The following NRG1 variants were observed in gnomAD, a reference collection of about 807,000 sequenced individuals.
NRG1 encodes the protein pro-neuregulin-1, membrane-bound isoform.
NRG1 carries 18 observed loss-of-function variants against 63.8 expected under a neutral mutation model. The ratio of observed to expected loss-of-function variants is 0.28; its 90% CI spans 0.19 to 0.42. NRG1 has a LOEUF of 0.42. NRG1 is among the 10% of genes least tolerant of loss of function. The pLI, the probability that NRG1 is intolerant of heterozygous loss-of-function variation, is 1.00. For synonymous variants in NRG1, 302 were observed against 301.3 expected (o/e 1.00, Z -0.02); for missense variants, 762 against 814.7 (o/e 0.94, Z 0.79).
intron 1 of NRG1, among the ~76,000 whole-genome samples, chr8:31,947,794 A>T (rs950444853): frequency 3.3e-5 from 5 of 151,946 alleles, no homozygotes; most frequent in Non-Finnish European, 7.4e-5. Flanking sequence ...AAATACAAAA[A>T]AATTAACTGG....
chr8:31,646,537 G>A lies in NRG1; in HGVS notation c.37+7106G>A, dbSNP rs141749584. Among the ~76,000 whole-genome samples the A allele has an allele frequency of 2.7e-3, 408 of 152,246 alleles. 2 individuals are homozygous for A. The highest frequency in any genetic ancestry group is 7.9e-3 in the African/African-American group (330 of 41,548). On this transcript the variant is annotated intron_variant, in intron 1 of 10. Transcript: ENST00000519301. The stretch of plus-strand genomic sequence containing the variant: ...TACCAGTAATACTATCATCCCAAAT[G>A]GTTGTCTTTTATCTGGGAATTGCCA...
intron 1 of NRG1, among the ~76,000 whole-genome samples, chr8:32,044,790 GTGGAATGTC>G (rs1820670924): frequency 6.6e-6 from 1 of 151,264 alleles, no homozygotes; most frequent in East Asian, 1.9e-4. Flanking sequence ...TATCAAATTT[GTGGAATGTC>G]TGCAAAGCAA....
chr8:31,824,520 A>G (rs768856167), intron 1 of NRG1, among the ~76,000 whole-genome samples: 1 of 152,206 alleles, frequency 6.6e-6, no homozygotes, highest in African/African-American at 2.4e-5. Flanking sequence ...CGCATTGCTG[A>G]TGGATTCTCA....
At chr8:31,667,144 G>A (rs919644848) in intron 1 of NRG1, among the ~76,000 whole-genome samples, 3 of 152,136 alleles carry the variant, frequency 2.0e-5, no homozygotes, top group African/African-American at 4.8e-5. Flanking sequence ...GTTGATGATT[G>A]TTATTCTTAA....
intron 1 of NRG1, among the ~76,000 whole-genome samples, chr8:31,846,135 C>G (rs1826667783): frequency 1.3e-5 from 2 of 152,238 alleles, no homozygotes; most frequent in Admixed American, 1.3e-4. Flanking sequence ...AAGACCTTCT[C>G]ACAGATTTTC....
At chr8:32,004,755 AGACT>A (rs1813480254) in intron 1 of NRG1, among the ~76,000 whole-genome samples, 1 of 151,938 alleles carries the variant, frequency 6.6e-6, no homozygotes, top group Non-Finnish European at 1.5e-5. Context: ...AAAACAATCC[AGACT>A]AACAATTCTC....
At position 32,528,780 on chromosome 8, in the gene NRG1, A is replaced by G. The variant is rs185220122; in HGVS notation, c.38-67048A>G. Among the ~76,000 whole-genome samples, 5 of 152,324 alleles carry G rather than the reference A, an allele frequency of 3.3e-5. No homozygotes were observed. The East Asian group carries it at 9.6e-4, about 29-fold the overall frequency. ...ATACATACAGGTCCTATTAAAAACA[A>G]CATATTGTAGCTTTAATTCAACACA... On this transcript the variant is annotated intron_variant, in intron 1 of 10. Coordinates refer to the NRG1 transcript ENST00000519301.
chr8:31,742,667 C>G (rs1278536184), intron 1 of NRG1, among the ~76,000 whole-genome samples: 2 of 151,704 alleles, frequency 1.3e-5, no homozygotes, highest in African/African-American at 2.4e-5. Context: ...ATGTTTATTT[C>G]TTGCTCAAGT....
intron 1 of NRG1, among the ~76,000 whole-genome samples, chr8:31,927,859 A>C (rs1211078736): frequency 6.7e-6 from 1 of 150,224 alleles, no homozygotes; most frequent in Non-Finnish European, 1.5e-5. Context: ...TTTTTTAAAA[A>C]ATTTTATTAT....
At chr8:32,760,841 C>A in intron 11 of NRG1, 1 of 1,006,690 alleles carries the variant, frequency 9.9e-7, no homozygotes, top group Non-Finnish European at 1.2e-6. Flanking sequence ...TATCTGCTAA[C>A]CCTGTCTTAC....
Position 32,652,514 on chromosome 8 carries a change from G to T in NRG1, c.502+35629G>T, listed in dbSNP as rs536349602. 3.3e-5 allele frequency among the ~76,000 whole-genome samples: 5 copies of T among 151,696 alleles called. No homozygotes were observed. In the South Asian group the frequency reaches 1.0e-3, roughly 32 times the overall value. ...CTTTCCTTCCTACCTTCCCAATTAT[G>T]TATTGACTCTTTTTTATTTTTGTAA... On this transcript the variant is annotated intron_variant, in intron 5 of 11. Transcript: ENST00000356819.
rs1020591486 is a variant in NRG1 at position 32,566,946 on chromosome 8, G to A, written c.100+18120G>A. 3.3e-5 allele frequency among the ~76,000 whole-genome samples: 5 copies of A among 152,048 alleles called. No homozygotes were observed. The South Asian group carries it at 1.0e-3, about 32-fold the overall frequency. On this transcript the variant is annotated intron_variant, in intron 1 of 11. Transcript: ENST00000356819. Reference sequence around the variant, plus strand: ...TCAGCTCACTACAACCTCCACAAACGATTCTGTTGCCTCAGCCTCCTGAGT... The same window carrying A: ...TCAGCTCACTACAACCTCCACAAACAATTCTGTTGCCTCAGCCTCCTGAGT...
chr8:31,658,438 A>C (rs1021261590), intron 1 of NRG1, among the ~76,000 whole-genome samples: 1 of 152,106 alleles, frequency 6.6e-6, no homozygotes, highest in African/African-American at 2.4e-5. Context: ...ATGTCTGTCG[A>C]GCACTTAGGC....
intron 5 of NRG1, among the ~76,000 whole-genome samples, chr8:32,652,661 T>G (rs1172588588): frequency 6.6e-6 from 1 of 152,168 alleles, no homozygotes; most frequent in Admixed American, 6.5e-5. Flanking sequence ...ATTACAAACA[T>G]ACAAAAAAAA....
At chr8:32,760,216 A>T in exon 11 of NRG1, 1 of 1,614,004 alleles carries the variant, frequency 6.2e-7, no homozygotes, top group African/African-American at 1.3e-5. Context: ...CAACGGACAC[A>T]CTGAAAGCAT....
At chr8:31,659,978 T>C (rs1367914003) in intron 1 of NRG1, among the ~76,000 whole-genome samples, 1 of 152,180 alleles carries the variant, frequency 6.6e-6, no homozygotes, top group Non-Finnish European at 1.5e-5. Context: ...ATCATTATAC[T>C]CATTTTACAG....
rs191790627 is a variant in NRG1 at position 32,270,568 on chromosome 8, C to T, written c.38-325260C>T. 1.7e-4 allele frequency among the ~76,000 whole-genome samples: 26 copies of T among 152,318 alleles called. 1 individual carries two copies. Among genetic ancestry groups the T allele is most frequent in the Admixed American group, 1.4e-3 (22 of 15,296 alleles). On this transcript the variant is annotated intron_variant, in intron 1 of 10. Coordinates refer to the NRG1 transcript ENST00000519301. ...TTCAAAATTCACTTCTAAAAATGGA[C>T]ATTGTTTAAAGCACATTTAATAAGT...
chr8:32,111,221 A>G (rs1831983655), intron 1 of NRG1, among the ~76,000 whole-genome samples: 3 of 151,892 alleles, frequency 2.0e-5, no homozygotes, highest in Middle Eastern at 3.4e-3. Flanking sequence ...GGTTCAAGCA[A>G]TTTTCGTTCC....
At position 32,608,100 on chromosome 8, in the gene NRG1, T is replaced by TG. The variant is rs1461331521; in HGVS notation, c.400+2417_400+2418insG. Among the ~76,000 whole-genome samples the TG allele has an allele frequency of 1.6e-3, 212 of 131,360 alleles. 1 individual carries two copies. In the East Asian group the frequency reaches 0.036, roughly 22 times the overall value. 86.2% of individuals were successfully genotyped at this position (131,360 alleles called of 152,430 possible). The stretch of plus-strand genomic sequence containing the variant: ...GAACCCAGGTTTTTTTTGTTTTTTT[T>TG]TTTTTTGTTTTTTTTTTTTTTTGCT... On this transcript the variant is annotated intron_variant, in intron 3 of 11. Transcript: ENST00000356819.
Sources: allele counts gnomAD v4.1 joint callset (sites outside exome capture counted in the v4.1 genomes callset), GRCh38; gene constraint gnomAD v4.1.1; transcripts MANE v1.5; gene names NCBI Gene and HGNC (gene_info 2026-07-23, HGNC 2026-07-21).